Variants in PPP4R4 observed in about 807,000 individuals in gnomAD.
PPP4R4 encodes serine/threonine-protein phosphatase 4 regulatory subunit 4.
A neutral mutation model predicts 121.8 loss-of-function variants in PPP4R4; 70 were observed. That is an observed-to-expected ratio of 0.57 (90% CI 0.47 to 0.70). The LOEUF (loss-of-function observed/expected upper bound fraction) is 0.70, where lower values mean the gene tolerates loss of function less well. Ranked by LOEUF, PPP4R4 falls within the 30% of genes least tolerant of loss-of-function variation. The probability of loss-of-function intolerance (pLI) is 0.00; values close to 1 mark genes in which losing one functional copy is unlikely to be tolerated. For synonymous variants in PPP4R4, 348 were observed against 355.7 expected, an observed-to-expected ratio of 0.98 and a Z score of 0.24; for missense variants, 875 against 1,033.6, an observed-to-expected ratio of 0.85 and a Z score of 2.10.
intron 2 of PPP4R4, among the ~76,000 whole-genome samples, chr14:94,205,511 T>C (rs1890410781): frequency 6.6e-6 from 1 of 151,668 alleles, no homozygotes; most frequent in African/African-American, 2.4e-5. Context: ...CCTTTTATTT[T>C]TTCTATTTTT....
At chr14:94,275,790 G>A (rs772779036) in intron 24 of PPP4R4, among the ~76,000 whole-genome samples, 13 of 152,016 alleles carry the variant, frequency 8.6e-5, no homozygotes, top group Non-Finnish European at 1.5e-4. Flanking sequence ...TTTTTTCTAT[G>A]AAATGTTTAC....
chr14:94,267,564 A>C (rs1321989282), intron 23 of PPP4R4, among the ~76,000 whole-genome samples: 4 of 152,168 alleles, frequency 2.6e-5, no homozygotes, highest in Non-Finnish European at 4.4e-5. Context: ...ATAAAACTTT[A>C]TCTACAAAAA....
At chr14:94,188,863 T>C (rs561723482) in intron 2 of PPP4R4, among the ~76,000 whole-genome samples, 16 of 152,280 alleles carry the variant, frequency 1.1e-4, no homozygotes, top group Admixed American at 5.2e-4. Context: ...AATTTATTTT[T>C]TCTCAATTTA....
chr14:94,221,534 T>A (rs1223901618), intron 3 of PPP4R4, among the ~76,000 whole-genome samples: 3 of 151,914 alleles, frequency 2.0e-5, no homozygotes, highest in Non-Finnish European at 1.5e-5. Context: ...TATGGAAAAA[T>A]TTTTAAGATG....
chr14:94,274,519 C>G (rs1043757564), intron 23 of PPP4R4, among the ~76,000 whole-genome samples: 1 of 152,194 alleles, frequency 6.6e-6, no homozygotes, highest in Admixed American at 6.5e-5. Flanking sequence ...TGAAAAGATG[C>G]TTAACGTCCT....
In PPP4R4 at chr14:94,237,652, A is replaced by C. The variant is rs973623714; in HGVS notation, c.819A>C (p.Glu273Asp). 1.9e-6 allele frequency: 3 copies of C among 1,612,114 alleles called. No individual in the cohort carries two copies. Among genetic ancestry groups the C allele is most frequent in the Admixed American group, 3.3e-5 (2 of 60,010 alleles). ...EGSSVRLAAF[E>D]TLVNLLDIFD... ...GCAGTGTACGACTTGCAGCTTTTGAAACTTTGGTTAATCTGCTTGATATAT... is the reference window on the plus strand; with the variant it reads ...GCAGTGTACGACTTGCAGCTTTTGACACTTTGGTTAATCTGCTTGATATAT... Residue 273 changes from glutamate to aspartate, a missense_variant, in exon 8 of 25, where the codon GAA becomes GAC. Physicochemically the swap from Glu to Asp is conservative, Grantham distance 45. Transcript: ENST00000304338.
chr14:94,263,946 A>G (rs10149260), intron 19 of PPP4R4, among the ~76,000 whole-genome samples: 19,677 of 152,074 alleles, frequency 0.13, 1,672 homozygotes, highest in African/African-American at 0.24. Flanking sequence ...CTAGTATTCT[A>G]GCATGTCAGT....
At chr14:94,272,217 A>T (rs1339467828) in intron 23 of PPP4R4, among the ~76,000 whole-genome samples, 1 of 152,228 alleles carries the variant, frequency 6.6e-6, no homozygotes, top group African/African-American at 2.4e-5. Context: ...ATAATGAAGA[A>T]GAACAAAGCT....
chr14:94,273,708 G>C (rs1894476755), intron 23 of PPP4R4, among the ~76,000 whole-genome samples: 1 of 152,038 alleles, frequency 6.6e-6, no homozygotes, highest in African/African-American at 2.4e-5. Context: ...TGAATGGGAA[G>C]ATATGGGAGA....
intron 8 of PPP4R4, among the ~76,000 whole-genome samples, chr14:94,239,348 C>G (rs1284148572): frequency 8.9e-6 from 1 of 112,722 alleles, no homozygotes; most frequent in South Asian, 3.9e-4. Flanking sequence ...TCCCTCCCCC[C>G]TCCCCCCACC....
chr14:94,189,407 G>C lies in PPP4R4; in HGVS notation c.191+13280G>C, dbSNP rs538707817. ...TTTACAGATTGATTTTGGATTGACT[G>C]ATGAGTTTTTAAATATTATAATTGA... is the stretch of plus-strand genomic sequence containing the variant. On this transcript the variant is annotated intron_variant, in intron 2 of 24. Transcript: ENST00000304338. Among the ~76,000 whole-genome samples, 3 of 152,310 alleles carry C rather than the reference G, an allele frequency of 2.0e-5. No homozygotes were observed. The East Asian group carries it at 5.8e-4, about 29-fold the overall frequency.
Position 94,176,083 on chromosome 14 carries a change from C to T in PPP4R4, c.147C>T (p.Val49=). The change falls in exon 2 of 25, where the codon GTC becomes GTT. Residue 49 remains valine, a synonymous_variant. Coordinates refer to ENST00000304338, the MANE Select transcript of PPP4R4 (RefSeq NM_058237.2). ...KTPEEIERLT[V]DEDLSDIERA... is the part of the protein sequence containing the mutation. The stretch of plus-strand genomic sequence containing the variant: ...CGGAAGAAATAGAAAGATTGACAGT[C>T]GATGAAGACCTCAGTGATATTGAAA... 2 of 1,612,566 alleles carry T rather than the reference C, an allele frequency of 1.2e-6. No individual in the cohort carries two copies. The highest frequency in any genetic ancestry group is 1.3e-5 in the African/African-American group (1 of 74,994).
intron 2 of PPP4R4, among the ~76,000 whole-genome samples, chr14:94,205,928 G>T (rs1340038095): frequency 6.6e-6 from 1 of 151,966 alleles, no homozygotes. Flanking sequence ...TCGGGCACTT[G>T]AATGGAATGT....
intron 8 of PPP4R4, among the ~76,000 whole-genome samples, chr14:94,238,306 A>C (rs1422350902): frequency 3.3e-5 from 5 of 152,220 alleles, no homozygotes; most frequent in Non-Finnish European, 7.3e-5. Context: ...AACCATATTA[A>C]AACCAGTACC....
At chr14:94,265,938 C>A in intron 22 of PPP4R4, 51 bp downstream of exon 22, 1 of 1,197,860 alleles carries the variant, frequency 8.3e-7, no homozygotes, top group Non-Finnish European at 1.2e-6. Flanking sequence ...TCTTTATTCA[C>A]ATCTTCATAT....
intron 2 of PPP4R4, among the ~76,000 whole-genome samples, chr14:94,192,212 T>C (rs1889640743): frequency 6.6e-6 from 1 of 152,172 alleles, no homozygotes; most frequent in African/African-American, 2.4e-5. Context: ...ATAAACCTTT[T>C]AAGGCAATGT....
chr14:94,258,645 C>T, intron 17 of PPP4R4, 138 bp from the exon 18 acceptor site: 1 of 654,528 alleles, frequency 1.5e-6, no homozygotes, highest in Non-Finnish European at 2.7e-6. Context: ...TTGGGCAGAA[C>T]TTTAGTTTTC....
chr14:94,174,507 G>C lies in PPP4R4; in HGVS notation c.42G>C (p.Gln14His). 1 of 1,612,082 alleles carries C rather than the reference G, an allele frequency of 6.2e-7. No homozygotes were observed. Among genetic ancestry groups the C allele is most frequent in the Non-Finnish European group, 8.5e-7 (1 of 1,179,120 alleles). ...CCGCCGCCGCGATGGATTTCAGTCA[G>C]AACAGCCTGTTCGGTTACATGGAGG... ...PPPAAAMDFS[Q>H]NSLFGYMEDL... The change falls in exon 1 of 25, where the codon CAG becomes CAC. Residue 14 changes from glutamine (Q) to histidine (H), a missense_variant. By Grantham distance (24) the Gln-to-His change is conservative (BLOSUM62 0). Transcript: ENST00000304338.
chr14:94,176,128 G>T lies in PPP4R4; in HGVS notation c.191+1G>T. The T allele has an allele frequency of 6.2e-7, 1 of 1,601,540 alleles. No homozygotes were observed. Among genetic ancestry groups the T allele is most frequent in the Non-Finnish European group, 8.6e-7 (1 of 1,168,472 alleles). On this transcript the variant is annotated splice_donor_variant, in intron 2 of 24. Transcript: ENST00000304338. LOFTEE classifies it high-confidence loss of function. Reference sequence around the variant, plus strand: ...TTGAAAGGGCTGTTTATCTGCTCAGGTATTTCCTAGTCTTTCTGTGAAATT... The same window carrying T: ...TTGAAAGGGCTGTTTATCTGCTCAGTTATTTCCTAGTCTTTCTGTGAAATT...
Sources: allele counts gnomAD v4.1 joint callset (sites outside exome capture counted in the v4.1 genomes callset), GRCh38; gene constraint gnomAD v4.1.1; transcripts MANE v1.5; gene names NCBI Gene and HGNC (gene_info 2026-07-23, HGNC 2026-07-21).